The following NAALADL2 variants were observed in gnomAD, a reference collection of about 807,000 sequenced individuals.
The protein encoded by NAALADL2 is N-acetylated alpha-linked acidic dipeptidase like 2, also known as inactive N-acetylated-alpha-linked acidic dipeptidase-like protein 2.
Under a neutral mutation model 87.2 loss-of-function variants are expected in NAALADL2, and 76 were observed. That is an observed-to-expected ratio of 0.87 (90% CI 0.72 to 1.05). The LOEUF is 1.05. Among genes scored for constraint, NAALADL2 ranks in the 50% least tolerant of loss-of-function variants. The pLI is 0.00. For missense variants in NAALADL2, 1,089 were observed against 945.8 expected (o/e 1.15, Z -1.99); for synonymous variants, 354 against 331.0 (o/e 1.07, Z -0.75).
At chr3:175,700,340 T>A (rs1738817803) in intron 11 of NAALADL2, among the ~76,000 whole-genome samples, 1 of 152,092 alleles carries the variant, frequency 6.6e-6, no homozygotes, top group South Asian at 2.1e-4. Flanking sequence ...CTTAGGAAAC[T>A]TTTTTGTCCA....
intron 6 of NAALADL2, among the ~76,000 whole-genome samples, chr3:175,457,595 G>A (rs1028610285): frequency 5.9e-5 from 9 of 151,880 alleles, no homozygotes; most frequent in Admixed American, 5.9e-4. Context: ...TTTTAGCTAA[G>A]TGCAGCCTTG....
chr3:175,157,189 C>A (rs1732448119), intron 2 of NAALADL2, among the ~76,000 whole-genome samples: 1 of 152,010 alleles, frequency 6.6e-6, no homozygotes, highest in Admixed American at 6.6e-5. Flanking sequence ...GAACTGTCTA[C>A]CTCCAGTTGC....
At chr3:174,872,766 G>C (rs537595613) in intron 1 of NAALADL2, among the ~76,000 whole-genome samples, 1 of 150,114 alleles carries the variant, frequency 6.7e-6, no homozygotes, top group African/African-American at 2.5e-5. Flanking sequence ...ATTTCATGTA[G>C]CTTCAGGTTT....
At chr3:175,066,497 C>T (rs192606686) in intron 1 of NAALADL2, among the ~76,000 whole-genome samples, 2 of 152,050 alleles carry the variant, frequency 1.3e-5, no homozygotes, top group Admixed American at 1.3e-4. Context: ...TCAGTACCTG[C>T]TTTTTCAGCA....
At chr3:174,818,626 C>T (rs766769193) in intron 3 of NAALADL2, among the ~76,000 whole-genome samples, 9 of 152,166 alleles carry the variant, frequency 5.9e-5, no homozygotes, top group Non-Finnish European at 1.2e-4. Flanking sequence ...ATACTACACC[C>T]TGGAATTTGC....
intron 2 of NAALADL2, among the ~76,000 whole-genome samples, chr3:174,689,662 A>G (rs941056454): frequency 6.6e-6 from 1 of 152,008 alleles, no homozygotes; most frequent in Non-Finnish European, 1.5e-5. Flanking sequence ...GAGTGTTGGG[A>G]AATGGTGAGA....
intron 2 of NAALADL2, among the ~76,000 whole-genome samples, chr3:174,721,133 A>G (rs1304498298): frequency 6.6e-6 from 1 of 152,194 alleles, no homozygotes; most frequent in Non-Finnish European, 1.5e-5. Flanking sequence ...ATGTTATGCT[A>G]ATAATTATGA....
At chr3:174,825,654 G>A (rs936954523) in intron 3 of NAALADL2, among the ~76,000 whole-genome samples, 8 of 152,160 alleles carry the variant, frequency 5.3e-5, no homozygotes, top group Non-Finnish European at 1.2e-4. Flanking sequence ...ATCACACCCA[G>A]TATGCCTTCT....
intron 9 of NAALADL2, among the ~76,000 whole-genome samples, chr3:175,547,574 T>TAAAAAA (rs1225370066): frequency 6.6e-6 from 1 of 152,024 alleles, no homozygotes; most frequent in Admixed American, 6.6e-5. Context: ...CTAATTAAAC[T>TAAAAAA]AAAGAGCTTC....
At chr3:174,611,409 G>T (rs1250981769) in intron 2 of NAALADL2, among the ~76,000 whole-genome samples, 3 of 151,926 alleles carry the variant, frequency 2.0e-5, no homozygotes, top group African/African-American at 7.3e-5. Context: ...TGTTCTTTCT[G>T]TTTATATCTT....
At chr3:174,831,129 A>G (rs1722629333) in intron 3 of NAALADL2, among the ~76,000 whole-genome samples, 1 of 151,996 alleles carries the variant, frequency 6.6e-6, no homozygotes, top group South Asian at 2.1e-4. Flanking sequence ...CCCTGGCCAG[A>G]ACTTCCAACA....
chr3:175,155,182 C>T (rs1470125136), intron 2 of NAALADL2, among the ~76,000 whole-genome samples: 1 of 152,070 alleles, frequency 6.6e-6, no homozygotes, highest in African/African-American at 2.4e-5. Context: ...GTCTCTGGGG[C>T]GGTGGGGCCT....
intron 13 of NAALADL2, among the ~76,000 whole-genome samples, chr3:175,789,236 G>T (rs1752488589): frequency 6.6e-6 from 1 of 151,952 alleles, no homozygotes; most frequent in Admixed American, 6.6e-5. Context: ...AGCTCTCAAG[G>T]TAATTATTTT....
At chr3:175,296,520 G>T (rs750687671) in intron 4 of NAALADL2, among the ~76,000 whole-genome samples, 9 of 152,088 alleles carry the variant, frequency 5.9e-5, no homozygotes, top group Non-Finnish European at 7.4e-5. Context: ...ATAGCCCTTT[G>T]TTTTTCCCTT....
intron 11 of NAALADL2, among the ~76,000 whole-genome samples, chr3:175,728,291 T>A (rs1583031887): frequency 6.6e-6 from 1 of 152,088 alleles, no homozygotes; most frequent in Non-Finnish European, 1.5e-5. Context: ...GTTTGTGGAG[T>A]ATTCCAAATG....
chr3:174,982,786 T>C (rs1745283975), intron 1 of NAALADL2, among the ~76,000 whole-genome samples: 1 of 151,672 alleles, frequency 6.6e-6, no homozygotes, highest in Admixed American at 6.6e-5. Context: ...CTACGTTTCA[T>C]AGTAACCAGG....
chr3:175,667,231 GAAAGAAAGAAAA>G (rs748572770), intron 11 of NAALADL2, among the ~76,000 whole-genome samples: 2,133 of 116,772 alleles, frequency 0.018, 31 homozygotes, highest in Non-Finnish European at 0.025. Flanking sequence ...AAGAAAGAAA[GAAAGAAAGAAAA>G]AGAAAGAAAG....
chr3:174,885,863 G>A, intron 1 of NAALADL2, among the ~76,000 whole-genome samples: 1 of 111,886 alleles, frequency 8.9e-6, no homozygotes, highest in Non-Finnish European at 1.8e-5. Context: ...AGCAAGGAGA[G>A]CCAGTCCGAG....
chr3:174,516,438 A>G (rs1213818001), intron 1 of NAALADL2, among the ~76,000 whole-genome samples: 1 of 151,950 alleles, frequency 6.6e-6, no homozygotes, highest in East Asian at 1.9e-4. Context: ...CTCACCTTCT[A>G]TTTGTAGACG....
Sources: gnomAD v4.1 joint callset for allele counts (sites outside exome capture counted in the v4.1 genomes callset) on GRCh38, gnomAD v4.1.1 for gene constraint, MANE v1.5 for transcripts, NCBI Gene and HGNC (gene_info 2026-07-23, HGNC 2026-07-21) for gene names.